The following WDR44 variants were observed in gnomAD, a reference collection of about 807,000 sequenced individuals.
WDR44 encodes the protein WD repeat domain 44.
WDR44 carries 9 observed loss-of-function variants against 65.7 expected under a neutral mutation model. The observed-to-expected ratio is 0.14, with a 90% CI of 0.08 to 0.24. WDR44 has a LOEUF of 0.24. Among genes scored for constraint, WDR44 ranks in the 10% least tolerant of loss-of-function variants. WDR44 has a pLI of 1.00. For missense variants in WDR44, 425 were observed against 670.9 expected (o/e 0.63, Z 4.05); for synonymous variants, 220 against 235.2 (o/e 0.94, Z 0.59).
rs1218341091 is a variant in WDR44 at position 118,394,038 on chromosome X, T to C, written c.827-17T>C. On this transcript the variant is annotated splice_polypyrimidine_tract_variant and intron_variant, in intron 4 of 19. Coordinates refer to ENST00000254029, the MANE Select transcript of WDR44 (RefSeq NM_019045.5). ...CAAAAAGGGTTGTTATTATTGTTGT[T>C]ATTATTATCATTGCAGTTCCCAAAG... 3 of 1,195,849 alleles carry C rather than the reference T, an allele frequency of 2.5e-6. No homozygotes were observed. The highest frequency in any genetic ancestry group is 3.4e-6 in the Non-Finnish European group (3 of 883,950).
intron 1 of WDR44, among the ~76,000 whole-genome samples, chrX:118,356,112 G>A (rs1262930086): frequency 8.9e-6 from 1 of 111,802 alleles, no homozygotes; most frequent in East Asian, 2.8e-4. Flanking sequence ...GCTAACTAAC[G>A]GTGGGCATTT....
At chrX:118,406,148 T>C (rs1381688867) in intron 9 of WDR44, among the ~76,000 whole-genome samples, 1 of 111,765 alleles carries the variant, frequency 8.9e-6, no homozygotes, top group Non-Finnish European at 1.9e-5. Flanking sequence ...AGCAAGTACG[T>C]GAAAGGATGT....
At chrX:118,374,046 G>A (rs1395228115) in intron 1 of WDR44, among the ~76,000 whole-genome samples, 2 of 110,136 alleles carry the variant, frequency 1.8e-5, no homozygotes, top group South Asian at 7.7e-4. Flanking sequence ...CCATCAATCC[G>A]TCATCTACAT....
Position 118,346,340 on chromosome X carries a change from C to T in WDR44, c.-164C>T. The stretch of plus-strand genomic sequence containing the variant: ...CCCGAAGCCCGGCAACTGAGGGCGG[C>T]CCCCTTTCCTTAACAGTCTCCTCGC... On this transcript the variant is annotated 5_prime_UTR_variant, in exon 1 of 20. Transcript: ENST00000254029. 2.2e-6 allele frequency: 1 copy of T among 445,905 alleles called. No homozygotes were observed. 36.7% of individuals were successfully genotyped at this position (445,905 alleles called of 1,213,427 possible).
intron 1 of WDR44, among the ~76,000 whole-genome samples, chrX:118,377,659 T>G (rs1480651467): frequency 9.2e-6 from 1 of 108,982 alleles, no homozygotes; most frequent in Non-Finnish European, 1.9e-5. Context: ...CATATGAAGA[T>G]AAAAGATACT....
In WDR44 at chrX:118,444,514, A is replaced by G. The variant is rs769993865; in HGVS notation, c.2647+20A>G. ...CTTCTGGTAAATCTTTACTTGTCCTATATTTTTTTCTAGTCAGCACTTAGT... is the reference window on the plus strand; with the variant it reads ...CTTCTGGTAAATCTTTACTTGTCCTGTATTTTTTTCTAGTCAGCACTTAGT... On this transcript the variant is annotated intron_variant, in intron 19 of 19. Coordinates refer to ENST00000254029, the MANE Select transcript of WDR44 (RefSeq NM_019045.5). The G allele has an allele frequency of 9.1e-6, 11 of 1,203,605 alleles. No individual in the cohort carries two copies. The South Asian group carries it at 1.3e-4, about 14-fold the overall frequency.
Position 118,431,592 on chromosome X carries a change from C to T in WDR44, c.1738-1189C>T, listed in dbSNP as rs749496403. 1.4e-4 allele frequency among the ~76,000 whole-genome samples: 16 copies of T among 112,067 alleles called. No individual in the cohort carries two copies. In the East Asian group the frequency reaches 3.9e-3, roughly 28 times the overall value. On this transcript the variant is annotated intron_variant, in intron 12 of 19. Coordinates refer to ENST00000254029, the MANE Select transcript of WDR44 (RefSeq NM_019045.5). Reference sequence around the variant, plus strand: ...TGCTGGGATTACAGGCATGAGCCACCGTGCCTCGCCAAGGCCTTTTTGAAT... The same window carrying T: ...TGCTGGGATTACAGGCATGAGCCACTGTGCCTCGCCAAGGCCTTTTTGAAT...
At chrX:118,409,708 G>A in intron 11 of WDR44, 81 bp downstream of exon 11, 1 of 970,421 alleles carries the variant, frequency 1.0e-6, no homozygotes, top group Non-Finnish European at 1.4e-6. Context: ...TTTTCTGGCA[G>A]TCATTTGCAG....
Position 118,394,048 on chromosome X carries a change from A to G in WDR44, c.827-7A>G, listed in dbSNP as rs762915900. Reference sequence around the variant, plus strand: ...TGTTATTATTGTTGTTATTATTATCATTGCAGTTCCCAAAGAGAATATTAC... The same window carrying G: ...TGTTATTATTGTTGTTATTATTATCGTTGCAGTTCCCAAAGAGAATATTAC... On this transcript the variant is annotated splice_region_variant and splice_polypyrimidine_tract_variant and intron_variant, in intron 4 of 19. Transcript: ENST00000254029. 2 of 1,201,991 alleles carry G rather than the reference A, an allele frequency of 1.7e-6. No individual in the cohort carries two copies. Among genetic ancestry groups the G allele is most frequent in the Admixed American group, 4.4e-5 (2 of 45,688 alleles).
intron 12 of WDR44, among the ~76,000 whole-genome samples, chrX:118,430,284 C>T (rs1236647897): frequency 9.2e-6 from 1 of 109,069 alleles, no homozygotes; most frequent in African/African-American, 3.3e-5. Context: ...TGGCTCACAC[C>T]TGTAATCCCA....
intron 1 of WDR44, among the ~76,000 whole-genome samples, chrX:118,368,879 G>C (rs2056581070): frequency 9.4e-6 from 1 of 106,601 alleles, no homozygotes; most frequent in African/African-American, 3.4e-5. Flanking sequence ...ACCACACCTG[G>C]CTAATTTTTT....
At chrX:118,415,503 C>A (rs1396935031) in intron 12 of WDR44, among the ~76,000 whole-genome samples, 1 of 111,573 alleles carries the variant, frequency 9.0e-6, no homozygotes, top group Non-Finnish European at 1.9e-5. Context: ...GTGAATCCAT[C>A]TGGTCCTGGA....
intron 2 of WDR44, among the ~76,000 whole-genome samples, chrX:118,383,122 G>A (rs2056733752): frequency 8.9e-6 from 1 of 111,760 alleles, no homozygotes; most frequent in East Asian, 2.8e-4. Context: ...CCTCTGGTAG[G>A]TGCCATATCA....
At chrX:118,411,558 T>C (rs1215194269) in intron 12 of WDR44, among the ~76,000 whole-genome samples, 2 of 111,825 alleles carry the variant, frequency 1.8e-5, no homozygotes, top group African/African-American at 6.5e-5. Flanking sequence ...TGAGATTTCA[T>C]TGGCTCCAGT....
chrX:118,354,184 G>A (rs1466303625), intron 1 of WDR44, among the ~76,000 whole-genome samples: 3 of 111,571 alleles, frequency 2.7e-5, no homozygotes, highest in Non-Finnish European at 5.6e-5. Context: ...GAGAGGCTGA[G>A]GTGGAGGGAT....
intron 1 of WDR44, among the ~76,000 whole-genome samples, chrX:118,364,587 A>G (rs2056538002): frequency 8.9e-6 from 1 of 112,433 alleles, no homozygotes; most frequent in South Asian, 3.7e-4. Flanking sequence ...TGCCTGGCAC[A>G]TGGTAGATAA....
chrX:118,445,023 C>T (rs1276021875), intron 19 of WDR44: 2 of 328,933 alleles, frequency 6.1e-6, no homozygotes, highest in East Asian at 9.8e-5. Context: ...GGGCCTGGTG[C>T]GGTGGCTCAC....
rs918890115 is a variant in WDR44, at chrX:118,346,155, G to C, written c.-349G>C. 2.1e-4 allele frequency: 63 copies of C among 300,743 alleles called. No individual in the cohort carries two copies. The highest frequency in any genetic ancestry group is 1.7e-3 in the African/African-American group (61 of 36,424). 24.8% of individuals were successfully genotyped at this position (300,743 alleles called of 1,213,427 possible). A position where few individuals can be genotyped will look rare whatever the true frequency, so the allele number is the denominator to read the frequency against. On this transcript the variant is annotated 5_prime_UTR_variant, in exon 1 of 20. Coordinates refer to ENST00000254029, the MANE Select transcript of WDR44 (RefSeq NM_019045.5). ...TCCAGCTGCTGTAAATTGCTGCTGC[G>C]GGAGAAACTGGAGCCGCTGTAGCCG...
At chrX:118,387,819 C>A (rs751569199) in intron 3 of WDR44, among the ~76,000 whole-genome samples, 3 of 111,503 alleles carry the variant, frequency 2.7e-5, no homozygotes, top group Non-Finnish European at 3.8e-5. Flanking sequence ...AAAATTGATG[C>A]TATGAAGCTT....
Sources: gnomAD v4.1 joint callset for allele counts (sites outside exome capture counted in the v4.1 genomes callset) on GRCh38, gnomAD v4.1.1 for gene constraint, MANE v1.5 for transcripts, NCBI Gene and HGNC (gene_info 2026-07-23, HGNC 2026-07-21) for gene names.